Variants in C15orf61 observed in about 807,000 individuals in gnomAD.
C15orf61 encodes uncharacterized protein C15orf61.
A neutral mutation model predicts 13.7 loss-of-function variants in C15orf61; 12 were observed. The ratio of observed to expected loss-of-function variants is 0.88; its 90% CI spans 0.56 to 1.42. C15orf61 has a LOEUF of 1.42. C15orf61 is among the 40% of genes most tolerant of loss of function. The probability of loss-of-function intolerance (pLI) is 0.00; values close to 1 mark genes in which losing one functional copy is unlikely to be tolerated. For synonymous variants in C15orf61, 92 were observed against 94.1 expected (o/e 0.98, Z 0.13); for missense variants, 248 against 213.2 (o/e 1.16, Z -1.02).
rs1437583412 is a variant in C15orf61, at chr15:67,521,724, G to A, written c.346+130G>A. 5 of 973,136 alleles carry A rather than the reference G, an allele frequency of 5.1e-6. No homozygotes were observed. In the Admixed American group the frequency reaches 8.7e-5, roughly 17 times the overall value. The allele number at this position is 973,136 out of a possible 1,614,324, so 60.3% of individuals were successfully genotyped here. On this transcript the variant is annotated intron_variant, in intron 1 of 1. Coordinates refer to ENST00000342683, the MANE Select transcript of C15orf61 (RefSeq NM_001143936.2). Reference sequence around the variant, plus strand: ...GGAGTCAGCTCTGCCTCCCGGCGCCGGCTTCGCCTGGGGTCCTTTGTACTC... The same window carrying A: ...GGAGTCAGCTCTGCCTCCCGGCGCCAGCTTCGCCTGGGGTCCTTTGTACTC...
chr15:67,523,974 A>C (rs2084184710), intron 1 of C15orf61, among the ~76,000 whole-genome samples: 1 of 152,232 alleles, frequency 6.6e-6, no homozygotes, highest in Non-Finnish European at 1.5e-5. Context: ...ATAGTTATTA[A>C]GCTAGTAATC....
In C15orf61 at chr15:67,521,570, A is replaced by G; in HGVS notation, c.322A>G (p.Thr108Ala). Residue 108 changes from threonine (T) to alanine (A), a missense_variant, in exon 1 of 2, where the codon ACG (threonine) becomes GCG (alanine). Physicochemically the swap from Thr to Ala is moderately conservative, Grantham distance 58. Coordinates refer to ENST00000342683, the MANE Select transcript of C15orf61 (RefSeq NM_001143936.2). ...CCTGGCCCGGCAGAACCGCTTCTTC[A>G]CGGCGCTCAAGGTCGTCAACCTCGG... ...QDLARQNRFF[T>A]ALKVVNLGIP... The G allele has an allele frequency of 6.5e-7, 1 of 1,538,616 alleles. No homozygotes were observed. The highest frequency in any genetic ancestry group is 2.5e-5 in the East Asian group (1 of 40,544).
chr15:67,521,540 C>G lies in C15orf61; in HGVS notation c.292C>G (p.Gln98Glu), dbSNP rs1007270563. ...GTACCACTGCTCCAAGGCTCCCTGG[C>G]AGGACCTGGCCCGGCAGAACCGCTT... ...IKYHCSKAPWQDLARQNRFFT... is the reference protein window; with the variant it reads ...IKYHCSKAPWEDLARQNRFFT... The change falls in exon 1 of 2, where the codon CAG becomes GAG. Residue 98 changes from glutamine to glutamate, a missense_variant. By Grantham distance (29) the Gln-to-Glu change is conservative. Coordinates refer to ENST00000342683, the MANE Select transcript of C15orf61 (RefSeq NM_001143936.2). 6.5e-7 allele frequency: 1 copy of G among 1,547,190 alleles called. No individual in the cohort carries two copies. Among genetic ancestry groups the G allele is most frequent in the African/African-American group, 1.4e-5 (1 of 73,124 alleles).
rs1166650519 is a variant in C15orf61, at chr15:67,528,090, G to C, written c.*1545G>C. The C allele has an allele frequency of 1.3e-5, 2 of 152,212 alleles. No homozygotes were observed. The highest frequency in any genetic ancestry group is 2.9e-5 in the Non-Finnish European group (2 of 68,032). 9.4% of individuals were successfully genotyped at this position (152,212 alleles called of 1,614,324 possible). A position where few individuals can be genotyped will look rare whatever the true frequency, so the allele number is the denominator to read the frequency against. ...AAATACTGCTCATTCATTGCTGCTG[G>C]TCTTGTCAATAGTGGCTGTAAAGGT... On this transcript the variant is annotated 3_prime_UTR_variant, in exon 2 of 2. Transcript: ENST00000342683.
rs961715361 is a variant in C15orf61, at chr15:67,526,840, T to A, written c.*295T>A. The A allele has an allele frequency of 5.1e-6, 1 of 197,496 alleles. No individual in the cohort carries two copies. The highest frequency in any genetic ancestry group is 2.3e-5 in the African/African-American group (1 of 43,438). The allele number at this position is 197,496 out of a possible 1,614,324, so 12.2% of individuals were successfully genotyped here. A position where few individuals can be genotyped will look rare whatever the true frequency, so the allele number is the denominator to read the frequency against. On this transcript the variant is annotated 3_prime_UTR_variant, in exon 2 of 2. Transcript: ENST00000342683. ...ATTACAATGTAATAGATTCTATAGT[T>A]AATTAACAATTTAAATCAACTCTGA...
At position 67,525,514 on chromosome 15, in the gene C15orf61, A is replaced by G. The variant is rs1239863499; in HGVS notation, c.347-904A>G. 2.6e-5 allele frequency among the ~76,000 whole-genome samples: 4 copies of G among 152,232 alleles called. No homozygotes were observed. The South Asian group carries it at 6.2e-4, about 24-fold the overall frequency. On this transcript the variant is annotated intron_variant, in intron 1 of 1. Coordinates refer to ENST00000342683, the MANE Select transcript of C15orf61 (RefSeq NM_001143936.2). The surrounding 1 kb of genome is among the most constrained non-coding windows in gnomAD (Gnocchi z 4.9). ...GAAGAAACACATGTTGGAGTCTACT[A>G]TATATCTATTTCAAATTGGTTGAAA... is the stretch of plus-strand genomic sequence containing the variant.
At chr15:67,523,280 G>A (rs541453186) in intron 1 of C15orf61, among the ~76,000 whole-genome samples, 1 of 152,116 alleles carries the variant, frequency 6.6e-6, no homozygotes, top group South Asian at 2.1e-4. Context: ...AGGTAGAGGG[G>A]ATGTGAATTA....
intron 1 of C15orf61, among the ~76,000 whole-genome samples, chr15:67,524,844 T>G (rs2084189545): frequency 6.7e-6 from 1 of 148,754 alleles, no homozygotes; most frequent in Non-Finnish European, 1.5e-5. Context: ...TTTGTTTTTT[T>G]TTTTTTTTTT....
rs970515889 is a variant in C15orf61 at position 67,525,080 on chromosome 15, C to T, written c.347-1338C>T. 6.6e-6 allele frequency among the ~76,000 whole-genome samples: 1 copy of T among 152,210 alleles called. No homozygotes were observed. Among genetic ancestry groups the T allele is most frequent in the Admixed American group, 6.5e-5 (1 of 15,280 alleles). On this transcript the variant is annotated intron_variant, in intron 1 of 1. Coordinates refer to ENST00000342683, the MANE Select transcript of C15orf61 (RefSeq NM_001143936.2). The surrounding 1 kb of genome is among the most constrained non-coding windows in gnomAD (Gnocchi z 4.9). ...CGAACTCCCAACCTCAGGTGATCCG[C>T]CTGCTTCGGCCTCCCAAAGTGCTGG...
chr15:67,522,077 A>G (rs1384682285), intron 1 of C15orf61: 1 of 701,536 alleles, frequency 1.4e-6, no homozygotes, highest in African/African-American at 1.7e-5. Context: ...AGTTCGTTTT[A>G]CTAAAAGCAC....
Position 67,528,718 on chromosome 15 carries a change from C to T in C15orf61, c.*2173C>T, listed in dbSNP as rs12904015. 0.69 allele frequency: 104,271 copies of T among 151,944 alleles called. 36,386 individuals are homozygous for T. The highest frequency in any genetic ancestry group is 0.8 in the Middle Eastern group (236 of 294). The allele number at this position is 151,944 out of a possible 1,614,324, so 9.4% of individuals were successfully genotyped here. A position where few individuals can be genotyped will look rare whatever the true frequency, so the allele number is the denominator to read the frequency against. On this transcript the variant is annotated 3_prime_UTR_variant, in exon 2 of 2. Transcript: ENST00000342683. ...ACTGAGTCTATTTTTAGTATTGGTG[C>T]TGTCTTACTTTTTGACCTCAGGCTA... is the stretch of plus-strand genomic sequence containing the variant.
rs1418256405 is a variant in C15orf61 at position 67,525,201 on chromosome 15, T to C, written c.347-1217T>C. Among the ~76,000 whole-genome samples the C allele has an allele frequency of 1.3e-5, 2 of 152,254 alleles. No individual in the cohort carries two copies. The highest frequency in any genetic ancestry group is 2.9e-5 in the Non-Finnish European group (2 of 68,046). On this transcript the variant is annotated intron_variant, in intron 1 of 1. Coordinates refer to ENST00000342683, the MANE Select transcript of C15orf61 (RefSeq NM_001143936.2). This position sits in a 1 kb window ranked among gnomAD's most constrained non-coding sequence, Gnocchi z 4.9. Reference sequence around the variant, plus strand: ...ACAGCTATCCTTTTAAAGTGTCACTTTCTGCCCATTTCCCACATAAGAGCA... The same window carrying C: ...ACAGCTATCCTTTTAAAGTGTCACTCTCTGCCCATTTCCCACATAAGAGCA...
At chr15:67,524,006 G>A (rs1178962085) in intron 1 of C15orf61, among the ~76,000 whole-genome samples, 3 of 152,110 alleles carry the variant, frequency 2.0e-5, no homozygotes, top group Non-Finnish European at 4.4e-5. Flanking sequence ...CTTGATTTTA[G>A]CTGAAAATAT....
chr15:67,523,563 G>A (rs2084181654), intron 1 of C15orf61, among the ~76,000 whole-genome samples: 1 of 152,122 alleles, frequency 6.6e-6, no homozygotes, highest in East Asian at 1.9e-4. Context: ...ACTTACCATT[G>A]GAATGAATGA....
At position 67,527,020 on chromosome 15, in the gene C15orf61, A is replaced by G. The variant is rs1045669813; in HGVS notation, c.*475A>G. The G allele has an allele frequency of 6.6e-6, 1 of 152,252 alleles. No homozygotes were observed. The highest frequency in any genetic ancestry group is 1.5e-5 in the Non-Finnish European group (1 of 68,070). The allele number at this position is 152,252 out of a possible 1,614,324, so 9.4% of individuals were successfully genotyped here. On this transcript the variant is annotated 3_prime_UTR_variant, in exon 2 of 2. Coordinates refer to ENST00000342683, the MANE Select transcript of C15orf61 (RefSeq NM_001143936.2). ...GAATCTAATTGTAATCTCAAGTCTA[A>G]ACCATTCAGCTGCCAGGATTGTAAA...
chr15:67,523,464 G>A (rs1489530102), intron 1 of C15orf61, among the ~76,000 whole-genome samples: 4 of 151,656 alleles, frequency 2.6e-5, no homozygotes, highest in Non-Finnish European at 4.4e-5. Flanking sequence ...TTTCTCCTCC[G>A]TCTTCCCTTC....
intron 1 of C15orf61, among the ~76,000 whole-genome samples, chr15:67,523,512 A>T (rs1477319949): frequency 6.6e-6 from 1 of 152,122 alleles, no homozygotes; most frequent in African/African-American, 2.4e-5. Flanking sequence ...TTACCAGTCT[A>T]GGTATCCTGC....
chr15:67,524,534 C>T (rs2084187695), intron 1 of C15orf61, among the ~76,000 whole-genome samples: 1 of 152,112 alleles, frequency 6.6e-6, no homozygotes, highest in African/African-American at 2.4e-5. Flanking sequence ...TAAAAGGTTT[C>T]ATGGGAGTTC....
chr15:67,522,390 C>G, intron 1 of C15orf61: 2 of 623,482 alleles, frequency 3.2e-6, no homozygotes, highest in Non-Finnish European at 5.7e-6. Context: ...AACCATGTTA[C>G]CCAGCCAGGT....
Sources: allele counts gnomAD v4.1 joint callset (sites outside exome capture counted in the v4.1 genomes callset), GRCh38; gene constraint gnomAD v4.1.1; non-coding constraint Gnocchi (gnomAD v3.1); transcripts MANE v1.5; gene names NCBI Gene and HGNC (gene_info 2026-07-23, HGNC 2026-07-21).